The following PLA2G6 variants were observed in gnomAD, a reference collection of about 807,000 sequenced individuals.
The protein encoded by PLA2G6 is 85/88 kDa calcium-independent phospholipase A2.
In PLA2G6, 62 loss-of-function variants were observed where a neutral mutation model predicts 83.8. That is an observed-to-expected ratio of 0.74 (90% CI 0.60 to 0.91). The LOEUF (loss-of-function observed/expected upper bound fraction) is 0.91, where lower values mean the gene tolerates loss of function less well. Ranked by LOEUF, PLA2G6 falls within the 40% of genes least tolerant of loss-of-function variation. The pLI is 0.00. For synonymous variants in PLA2G6, 417 were observed against 449.8 expected (o/e 0.93, Z 0.92); for missense variants, 944 against 1,102.0 (o/e 0.86, Z 2.03).
rs1396009163 is a variant in PLA2G6, at chr22:38,123,644, G to A, written c.1428-386C>T. Among the ~76,000 whole-genome samples the A allele has an allele frequency of 6.6e-5, 10 of 152,052 alleles. No individual in the cohort carries two copies. The highest frequency in any genetic ancestry group is 9.7e-5 in the African/African-American group (4 of 41,380). ...TAAATAAGGCTGGGGAAGGAGGGGC[G>A]GGGACCCTACAGCCAGGCCAGGAAT... On this transcript the variant is annotated intron_variant, in intron 10 of 16. Coordinates refer to ENST00000332509, the MANE Select transcript of PLA2G6 (RefSeq NM_003560.4). The surrounding 1 kb of genome is among the most constrained non-coding windows in gnomAD (Gnocchi z 4.1).
chr22:38,132,881 C>G lies in PLA2G6; in HGVS notation c.1027G>C (p.Ala343Pro). 2.6e-6 allele frequency: 4 copies of G among 1,553,730 alleles called. No homozygotes were observed. In the Middle Eastern group the frequency reaches 5.2e-4, roughly 200 times the overall value. The part of the protein sequence containing the change: ...AIVLLTHGAN[A>P]DARGEHGNTP... ...TTGCCGTGCTCTCCGCGGGCATCCG[C>G]GTTGGCCCCGTGGGTCAGCAGCACT... Residue 343 changes from alanine to proline, a missense_variant, in exon 7 of 17, where the codon GCG (alanine) becomes CCG (proline). Ala to Pro is a conservative substitution (Grantham distance 27). Coordinates refer to ENST00000332509, the MANE Select transcript of PLA2G6 (RefSeq NM_003560.4). This position sits in a 1 kb window ranked among gnomAD's most constrained non-coding sequence, Gnocchi z 5.0.
chr22:38,120,984 G>T, intron 11 of PLA2G6, 75 bp from the exon 12 acceptor site: 1 of 1,560,786 alleles, frequency 6.4e-7, no homozygotes. Context: ...CCTGCAGAGC[G>T]CCTGAACGCA....
At chr22:38,161,201 C>T (rs1413933887) in intron 2 of PLA2G6, among the ~76,000 whole-genome samples, 2 of 152,048 alleles carry the variant, frequency 1.3e-5, no homozygotes, top group Non-Finnish European at 2.9e-5. Flanking sequence ...TAACAGAAAA[C>T]TACAGACTGG....
At chr22:38,152,161 T>C (rs1035408943) in intron 2 of PLA2G6, among the ~76,000 whole-genome samples, 82 of 152,048 alleles carry the variant, frequency 5.4e-4, no homozygotes, top group African/African-American at 1.9e-3. Context: ...GGGGTGGGGG[T>C]GAGTGAGTTT....
At chr22:38,162,568 G>A (rs922051179) in intron 2 of PLA2G6, among the ~76,000 whole-genome samples, 1 of 152,142 alleles carries the variant, frequency 6.6e-6, no homozygotes, top group Non-Finnish European at 1.5e-5. Flanking sequence ...TTGTATTTAC[G>A]GGAGAGCTGC....
At chr22:38,173,377 A>G (rs2090510475) in intron 1 of PLA2G6, among the ~76,000 whole-genome samples, 1 of 151,924 alleles carries the variant, frequency 6.6e-6, no homozygotes, top group African/African-American at 2.4e-5. Flanking sequence ...CACCTGACAC[A>G]GACCGCACCT....
chr22:38,145,454 G>A lies in PLA2G6; in HGVS notation c.409C>T (p.His137Tyr). The A allele has an allele frequency of 6.2e-7, 1 of 1,608,838 alleles. No homozygotes were observed. The highest frequency in any genetic ancestry group is 8.5e-7 in the Non-Finnish European group (1 of 1,178,394). ...CTTGCTCACCTGATGATACGGCTGT[G>A]ATGGAAGCACTCGCGGATCCCTAGC... ...VELGIRECFH[H>Y]SRIISCANCA... The change falls in exon 3 of 17, where the codon CAC (histidine) becomes TAC (tyrosine). Residue 137 changes from histidine (H) to tyrosine (Y), a missense_variant. Physicochemically the swap from His to Tyr is moderately conservative, Grantham distance 83. Coordinates refer to ENST00000332509, the MANE Select transcript of PLA2G6 (RefSeq NM_003560.4).
At chr22:38,127,552 G>T in intron 9 of PLA2G6, 1 of 824,560 alleles carries the variant, frequency 1.2e-6, no homozygotes, top group Non-Finnish European at 1.8e-6. Context: ...CAGTCACGGT[G>T]CCTCTCCAGA....
At chr22:38,117,562 G>T (rs1290578190) in intron 12 of PLA2G6, among the ~76,000 whole-genome samples, 1 of 152,186 alleles carries the variant, frequency 6.6e-6, no homozygotes, top group Non-Finnish European at 1.5e-5. Context: ...GCACCAGTAA[G>T]AGAGAGTAGG....
chr22:38,139,645 G>C (rs2088775067), intron 5 of PLA2G6: 1 of 236,528 alleles, frequency 4.2e-6, no homozygotes, highest in African/African-American at 2.2e-5. Flanking sequence ...ATGTTGGTCA[G>C]GCTGGTCTCG....
At chr22:38,129,147 AAAG>A (rs1349539410) in intron 8 of PLA2G6, among the ~76,000 whole-genome samples, 1 of 152,200 alleles carries the variant, frequency 6.6e-6, no homozygotes, top group Non-Finnish European at 1.5e-5. Context: ...AACGGTGGGG[AAAG>A]AAGGCTGCTG....
At position 38,112,547 on chromosome 22, in the gene PLA2G6, G is replaced by T. The variant is rs587784350; in HGVS notation, c.2233C>A (p.Arg745=). ...ACCATCTCGCACCAGGCCCGTGCCC[G>T]GTCCACAGCCCGCCCGTCTGGATCC... ...CTDPDGRAVD[R]ARAWCEMVGI... The change falls in exon 16 of 17, where the codon CGG becomes AGG. Residue 745 remains arginine (R), a synonymous_variant. Transcript: ENST00000332509. 1 of 1,554,044 alleles carries T rather than the reference G, an allele frequency of 6.4e-7. No homozygotes were observed.
At chr22:38,113,944 T>A in intron 14 of PLA2G6, 1 of 509,406 alleles carries the variant, frequency 2.0e-6, no homozygotes. Flanking sequence ...CATCTGATGC[T>A]GGCCCAAGTC....
intron 2 of PLA2G6, among the ~76,000 whole-genome samples, chr22:38,158,473 G>T (rs895473128): frequency 6.6e-6 from 1 of 152,174 alleles, no homozygotes; most frequent in Admixed American, 6.5e-5. Context: ...AACCCGCCAC[G>T]TCAAGATATT....
chr22:38,148,766 G>A, intron 2 of PLA2G6: 1 of 440,526 alleles, frequency 2.3e-6, no homozygotes, highest in Non-Finnish European at 4.0e-6. Context: ...TTCAGTTCCA[G>A]AAACTAGACT....
At chr22:38,127,029 C>A in intron 9 of PLA2G6, 1 of 1,092,796 alleles carries the variant, frequency 9.2e-7, no homozygotes, top group South Asian at 2.5e-5. Flanking sequence ...CCACTCTGTC[C>A]ATGTCTTCCT....
chr22:38,135,248 C>A, intron 5 of PLA2G6, 164 bp from the exon 6 acceptor site: 1 of 627,224 alleles, frequency 1.6e-6, no homozygotes, highest in Admixed American at 2.3e-5. Flanking sequence ...CTGTACTGAG[C>A]CCCTCAAGGC....
chr22:38,179,339 G>C (rs925973215), intron 1 of PLA2G6, among the ~76,000 whole-genome samples: 9 of 152,150 alleles, frequency 5.9e-5, no homozygotes, highest in Non-Finnish European at 1.2e-4. Flanking sequence ...AAACAGAGAG[G>C]CATCATAGAT....
At chr22:38,142,767 G>A (rs940693016) in intron 4 of PLA2G6, 43 of 394,176 alleles carry the variant, frequency 1.1e-4, no homozygotes, top group African/African-American at 5.6e-4. Context: ...GCTGGCCCAC[G>A]AGCCCCTCCA....
Sources: allele counts gnomAD v4.1 joint callset (sites outside exome capture counted in the v4.1 genomes callset), GRCh38; gene constraint gnomAD v4.1.1; non-coding constraint Gnocchi (gnomAD v3.1); transcripts MANE v1.5; gene names NCBI Gene and HGNC (gene_info 2026-07-23, HGNC 2026-07-21).